The following TCF4 variants were observed in gnomAD, a reference collection of about 807,000 sequenced individuals.
TCF4 encodes the protein SL3-3 enhancer factor 2.
In TCF4, 3 loss-of-function variants were observed where a neutral mutation model predicts 82.1. The observed-to-expected ratio is 0.04, with a 90% CI of 0.02 to 0.09. The LOEUF is 0.09. Ranked by LOEUF, TCF4 falls within the 10% of genes least tolerant of loss-of-function variation. TCF4 has a pLI of 1.00. For synonymous variants in TCF4, 276 were observed against 309.6 expected (o/e 0.89, Z 1.14); for missense variants, 518 against 852.7 (o/e 0.61, Z 4.89).
rs78908011 is a variant in TCF4, at chr18:55,548,079, T to C, written c.145+37201A>G. On this transcript the variant is annotated intron_variant, in intron 3 of 19. Coordinates refer to ENST00000354452, the MANE Select transcript of TCF4 (RefSeq NM_001083962.2). ...AACAAGTCTGAGTGATGCTTTAAAA[T>C]GTGAATATGTAAAATTTAGGTTAAG... Among the ~76,000 whole-genome samples the C allele has an allele frequency of 7.4e-4, 113 of 152,376 alleles. 2 individuals are homozygous for C. The East Asian group carries it at 0.016, about 22-fold the overall frequency.
chr18:55,315,799 G>A (rs1327048666), intron 8 of TCF4, among the ~76,000 whole-genome samples: 2 of 152,040 alleles, frequency 1.3e-5, no homozygotes, highest in African/African-American at 4.8e-5. Context: ...CACTAAAGGA[G>A]ACAATTTTAT....
intron 2 of TCF4, among the ~76,000 whole-genome samples, chr18:55,593,735 A>G (rs2097688080): frequency 6.6e-6 from 1 of 152,196 alleles, no homozygotes; most frequent in African/African-American, 2.4e-5. Context: ...TTCCTCTCTG[A>G]TGCTCTAATG....
intron 5 of TCF4, among the ~76,000 whole-genome samples, chr18:55,454,829 C>T (rs183938662): frequency 6.6e-6 from 1 of 151,978 alleles, no homozygotes; most frequent in Admixed American, 6.5e-5. Flanking sequence ...CCTCCCTCAA[C>T]CTAAAGATGT....
At chr18:55,551,672 A>G (rs1054310187) in intron 3 of TCF4, 2 of 152,140 alleles carry the variant, frequency 1.3e-5, no homozygotes, top group South Asian at 2.1e-4. Context: ...TCTCCTGCAC[A>G]TGGATTATTC....
At chr18:55,505,061 T>C (rs977913290) in intron 3 of TCF4, among the ~76,000 whole-genome samples, 6 of 152,156 alleles carry the variant, frequency 3.9e-5, no homozygotes, top group Non-Finnish European at 5.9e-5. Context: ...AGGATACATT[T>C]TGGGGTTAGG....
chr18:55,413,117 T>A (rs2094411495), intron 5 of TCF4, among the ~76,000 whole-genome samples: 1 of 152,032 alleles, frequency 6.6e-6, no homozygotes, highest in South Asian at 2.1e-4. Context: ...CAAAACTACA[T>A]CAAAAGAATG....
At chr18:55,569,977 T>C (rs2097446927) in intron 3 of TCF4, among the ~76,000 whole-genome samples, 1 of 151,884 alleles carries the variant, frequency 6.6e-6, no homozygotes, top group Non-Finnish European at 1.5e-5. Flanking sequence ...ACACGAAAAG[T>C]GGGGAGGAAG....
intron 6 of TCF4, among the ~76,000 whole-genome samples, chr18:55,365,179 A>G (rs2086573750): frequency 7.8e-6 from 1 of 129,004 alleles, no homozygotes; most frequent in South Asian, 2.4e-4. Context: ...ATATATATAT[A>G]TATATATATA....
rs528746690 is a variant in TCF4, at chr18:55,231,707, C to A, written c.1649+802G>T. On this transcript the variant is annotated intron_variant, in intron 17 of 19. Coordinates refer to ENST00000354452, the MANE Select transcript of TCF4 (RefSeq NM_001083962.2). ...GCATTTTTAAACTTGTGGCAAGACA[C>A]GGAATTTATCTCAATAATTACAACA... 3.3e-5 allele frequency: 5 copies of A among 152,238 alleles called. No individual in the cohort carries two copies. In the South Asian group the frequency reaches 1.0e-3, roughly 32 times the overall value. The allele number at this position is 152,238 out of a possible 1,614,324, so 9.4% of individuals were successfully genotyped here. A position where few individuals can be genotyped will look rare whatever the true frequency, so the allele number is the denominator to read the frequency against.
At chr18:55,467,070 A>C (rs1380452529) in intron 3 of TCF4, among the ~76,000 whole-genome samples, 1 of 152,168 alleles carries the variant, frequency 6.6e-6, no homozygotes, top group Non-Finnish European at 1.5e-5. Context: ...GATGAGGACA[A>C]ATCACTAGCT....
chr18:55,254,472 A>G (rs2056247494), intron 15 of TCF4, 25 bp downstream of exon 15: 13 of 1,605,404 alleles, frequency 8.1e-6, no homozygotes, highest in Non-Finnish European at 1.0e-5. Context: ...TGATAACTAT[A>G]GAGTCTATAA....
chr18:55,412,221 T>C (rs2094375726), intron 5 of TCF4, among the ~76,000 whole-genome samples: 1 of 151,704 alleles, frequency 6.6e-6, no homozygotes, highest in Non-Finnish European at 1.5e-5. Context: ...TTACGCAGAG[T>C]TTTTTAAAAG....
At chr18:55,588,702 T>C (rs1000973474), upstream of TCF4, 22 of 1,314,414 alleles carry the variant, frequency 1.7e-5, no homozygotes, top group Non-Finnish European at 2.0e-5. Flanking sequence ...ACAATATTTT[T>C]CTTTTTCGTC....
At chr18:55,623,632 T>C (rs1373328117) in intron 2 of TCF4, among the ~76,000 whole-genome samples, 1 of 152,200 alleles carries the variant, frequency 6.6e-6, no homozygotes, top group Non-Finnish European at 1.5e-5. Flanking sequence ...GATAATTTGT[T>C]TGGTAGTGGA....
Position 55,433,939 on chromosome 18 carries a change from T to C in TCF4, c.304+27080A>G, listed in dbSNP as rs9961626. ...CTGTTACCCTTGAGTAGTTTTCCAG[T>C]CCTTTGTAGGCTAACACTTTAAGGC... is the stretch of plus-strand genomic sequence containing the variant. On this transcript the variant is annotated intron_variant, in intron 5 of 19. Transcript: ENST00000354452. 9.7e-3 allele frequency among the ~76,000 whole-genome samples: 1,483 copies of C among 152,208 alleles called. 17 individuals are homozygous for C. The highest frequency in any genetic ancestry group is 0.032 in the African/African-American group (1,346 of 41,502).
intron 6 of TCF4, among the ~76,000 whole-genome samples, chr18:55,394,297 G>A (rs1487387136): frequency 6.6e-6 from 1 of 152,184 alleles, no homozygotes; most frequent in African/African-American, 2.4e-5. Flanking sequence ...ACTCTAGAGG[G>A]TGGGTCCTGC....
intron 3 of TCF4, among the ~76,000 whole-genome samples, chr18:55,527,247 G>T (rs1006478303): frequency 9.2e-5 from 14 of 152,112 alleles, no homozygotes; most frequent in African/African-American, 3.4e-4. Context: ...CTACAAAACT[G>T]CAACGGCAGA....
chr18:55,406,938 T>A (rs1285665871), intron 5 of TCF4, among the ~76,000 whole-genome samples: 1 of 152,208 alleles, frequency 6.6e-6, no homozygotes, highest in Non-Finnish European at 1.5e-5. Context: ...CCAAGCCCCA[T>A]GGCTAAAACT....
At chr18:55,514,441 A>C (rs918631761) in intron 3 of TCF4, among the ~76,000 whole-genome samples, 2 of 145,188 alleles carry the variant, frequency 1.4e-5, no homozygotes, top group Admixed American at 1.4e-4. Context: ...ACACACACAC[A>C]CACACCCCAA....
Sources: allele counts gnomAD v4.1 joint callset (sites outside exome capture counted in the v4.1 genomes callset), GRCh38; gene constraint gnomAD v4.1.1; transcripts MANE v1.5; gene names NCBI Gene and HGNC (gene_info 2026-07-23, HGNC 2026-07-21).